TNRC6B: variants seen among roughly 807,000 people sequenced by gnomAD.
TNRC6B encodes the protein trinucleotide repeat containing adaptor 6B, also known as trinucleotide repeat-containing gene 6B protein.
In TNRC6B, 52 loss-of-function variants were observed where a neutral mutation model predicts 203.6. That is an observed-to-expected ratio of 0.26 (90% CI 0.20 to 0.32). TNRC6B has a LOEUF of 0.32. TNRC6B is among the 10% of genes least tolerant of loss of function. The pLI is 1.00. For missense variants in TNRC6B, 1,923 were observed against 2,286.2 expected (o/e 0.84, Z 3.24); for synonymous variants, 838 against 845.7 (o/e 0.99, Z 0.16).
chr22:40,152,638 A>G (rs551261134), intron 3 of TNRC6B, among the ~76,000 whole-genome samples: 9 of 150,320 alleles, frequency 6.0e-5, no homozygotes, highest in Admixed American at 3.3e-4. Context: ...ACACCCGGCT[A>G]ATTTTTGTAT....
Position 40,266,291 on chromosome 22 carries a change from A to G in TNRC6B, c.2061A>G (p.Thr687=). 3 of 1,592,254 alleles carry G rather than the reference A, an allele frequency of 1.9e-6. No homozygotes were observed. The highest frequency in any genetic ancestry group is 1.3e-5 in the African/African-American group (1 of 74,566). Residue 687 remains threonine, a synonymous_variant, in exon 5 of 23, where the codon ACA becomes ACG. Coordinates refer to ENST00000454349, the MANE Select transcript of TNRC6B (RefSeq NM_001162501.2). ...GATGGGGGGAGCTCTCAGCCTCTAC[A>G]GAGTGGAAAGACCCCAAGAACACAG... ...KSGWGELSAS[T]EWKDPKNTGG...
chr22:40,260,407 C>T (rs976057239), intron 3 of TNRC6B, among the ~76,000 whole-genome samples: 3 of 152,018 alleles, frequency 2.0e-5, no homozygotes, highest in African/African-American at 4.8e-5. Flanking sequence ...GGTCCTTGCC[C>T]TCAGGAAGTC....
intron 3 of TNRC6B, among the ~76,000 whole-genome samples, chr22:40,129,997 A>C (rs2146327583): frequency 6.6e-6 from 1 of 152,334 alleles, no homozygotes. Context: ...TTATGGGTTA[A>C]AGAGAAATTA....
intron 1 of TNRC6B, among the ~76,000 whole-genome samples, chr22:40,206,555 G>A (rs934241181): frequency 2.0e-5 from 3 of 151,932 alleles, no homozygotes; most frequent in African/African-American, 2.4e-5. Context: ...CCATAAAAAC[G>A]CCATGCTTTT....
chr22:40,321,036 T>C (rs1025229420), intron 21 of TNRC6B, 54 bp from the exon 22 acceptor site: 31 of 1,601,982 alleles, frequency 1.9e-5, no homozygotes, highest in Non-Finnish European at 2.6e-5. Flanking sequence ...TCTTAAAATG[T>C]ACCTTTTCCA....
intron 1 of TNRC6B, among the ~76,000 whole-genome samples, chr22:40,089,155 CA>C (rs1345599977): frequency 6.6e-6 from 1 of 152,086 alleles, no homozygotes; most frequent in Non-Finnish European, 1.5e-5. Context: ...TCCAGATTCC[CA>C]ACATGGGTGA....
chr22:40,318,502 G>A (rs1322037045), intron 21 of TNRC6B, among the ~76,000 whole-genome samples: 1 of 152,120 alleles, frequency 6.6e-6, no homozygotes, highest in Non-Finnish European at 1.5e-5. Flanking sequence ...AGCCGAGATT[G>A]CGCCACTGCA....
At chr22:40,065,989 A>G (rs913120400) in intron 1 of TNRC6B, among the ~76,000 whole-genome samples, 55 of 152,122 alleles carry the variant, frequency 3.6e-4, no homozygotes, top group African/African-American at 1.2e-3. Flanking sequence ...GAATACTCAG[A>G]GGGTCTCCTA....
chr22:40,096,962 G>A (rs768145738), intron 1 of TNRC6B, among the ~76,000 whole-genome samples: 2 of 152,168 alleles, frequency 1.3e-5, no homozygotes, highest in Non-Finnish European at 2.9e-5. Flanking sequence ...TATCAGAGTT[G>A]ACCATTAAGG....
chr22:40,287,714 A>G (rs1481900722), intron 12 of TNRC6B, among the ~76,000 whole-genome samples: 1 of 152,210 alleles, frequency 6.6e-6, no homozygotes, highest in African/African-American at 2.4e-5. Context: ...ATGGTTATCA[A>G]ATATCTGTAG....
intron 1 of TNRC6B, among the ~76,000 whole-genome samples, chr22:40,069,679 G>A (rs1402639015): frequency 1.3e-5 from 2 of 151,930 alleles, no homozygotes; most frequent in Non-Finnish European, 2.9e-5. Context: ...TAGAGATGGG[G>A]TTTCTCCATG....
intron 1 of TNRC6B, among the ~76,000 whole-genome samples, chr22:40,064,825 C>T (rs570651725): frequency 4.6e-4 from 70 of 152,118 alleles, no homozygotes; most frequent in African/African-American, 1.7e-3. Context: ...CCATGTTGGC[C>T]AGGCTGGTCT....
At chr22:40,176,218 G>A (rs916522202), upstream of TNRC6B, among the ~76,000 whole-genome samples, 4 of 149,502 alleles carry the variant, frequency 2.7e-5, no homozygotes, top group East Asian at 2.0e-4. Flanking sequence ...TCCGCCTCCC[G>A]GGTTCAAGCG....
intron 1 of TNRC6B, among the ~76,000 whole-genome samples, chr22:40,058,419 TTTAGCACAATGTGAC>T (rs2067819428): frequency 9.2e-6 from 1 of 108,666 alleles, no homozygotes; most frequent in East Asian, 2.0e-4. Flanking sequence ...CACAATGTGC[TTTAGCACAATGTGAC>T]ACAATGTGCT....
intron 1 of TNRC6B, among the ~76,000 whole-genome samples, chr22:40,220,066 T>C (rs113813640): frequency 1.3e-3 from 192 of 152,348 alleles, no homozygotes; most frequent in African/African-American, 4.4e-3. Flanking sequence ...CAACAAATTA[T>C]GATAGAGCTT....
At chr22:40,132,444 G>GCACT (rs2068554588) in intron 3 of TNRC6B, among the ~76,000 whole-genome samples, 1 of 151,616 alleles carries the variant, frequency 6.6e-6, no homozygotes, top group African/African-American at 2.4e-5. Flanking sequence ...TCACACCACG[G>GCACT]CACTCCAGCC....
intron 1 of TNRC6B, among the ~76,000 whole-genome samples, chr22:40,058,500 A>G (rs148942233): frequency 3.3e-4 from 49 of 150,234 alleles, no homozygotes; most frequent in African/African-American, 1.2e-3. Flanking sequence ...CCGGGACTCA[A>G]CCGATGCAGC....
At chr22:40,133,740 G>A (rs1266711633) in intron 3 of TNRC6B, among the ~76,000 whole-genome samples, 5 of 151,918 alleles carry the variant, frequency 3.3e-5, no homozygotes, top group East Asian at 1.9e-4. Flanking sequence ...AGGCCGAGGC[G>A]AGCGGATCAC....
At chr22:40,116,244 G>C (rs544923165) in intron 1 of TNRC6B, among the ~76,000 whole-genome samples, 4 of 152,290 alleles carry the variant, frequency 2.6e-5, no homozygotes, top group African/African-American at 7.2e-5. Flanking sequence ...CAGCGGTGTA[G>C]ATGCTGGTCC....
Sources: gnomAD v4.1 joint callset for allele counts (sites outside exome capture counted in the v4.1 genomes callset) on GRCh38, gnomAD v4.1.1 for gene constraint, MANE v1.5 for transcripts, NCBI Gene and HGNC (gene_info 2026-07-23, HGNC 2026-07-21) for gene names.